CALN1: variants seen among roughly 807,000 people sequenced by gnomAD.
CALN1 encodes calcium-binding protein 8.
Under a neutral mutation model 30.6 loss-of-function variants are expected in CALN1, and 17 were observed. That is an observed-to-expected ratio of 0.56 (90% CI 0.38 to 0.83). The LOEUF (loss-of-function observed/expected upper bound fraction) is 0.83, where lower values mean the gene tolerates loss of function less well. CALN1 is among the 40% of genes least tolerant of loss of function. The pLI is 0.00. For synonymous variants in CALN1, 156 were observed against 131.4 expected, an observed-to-expected ratio of 1.19 and a Z score of -1.28; for missense variants, 291 against 354.9, an observed-to-expected ratio of 0.82 and a Z score of 1.45.
chr7:71,920,592 C>T (rs2117051341), intron 5 of CALN1, among the ~76,000 whole-genome samples: 2 of 152,238 alleles, frequency 1.3e-5, no homozygotes, highest in Middle Eastern at 6.8e-3. Context: ...GCCTCAGCCT[C>T]CCAAAGTACT....
intron 2 of CALN1, among the ~76,000 whole-genome samples, chr7:72,319,216 T>TA (rs753703276): frequency 1.3e-5 from 2 of 152,188 alleles, no homozygotes; most frequent in Non-Finnish European, 2.9e-5. Flanking sequence ...ATGCTGCTGA[T>TA]AAACACATAC....
At chr7:71,813,947 AAAG>A (rs1172401162) in intron 5 of CALN1, among the ~76,000 whole-genome samples, 1 of 151,678 alleles carries the variant, frequency 6.6e-6, no homozygotes, top group Non-Finnish European at 1.5e-5. Flanking sequence ...AAAAAAAAAA[AAAG>A]ATCTTTGGAC....
chr7:72,224,409 A>C (rs1022503375), intron 3 of CALN1, among the ~76,000 whole-genome samples: 1 of 152,168 alleles, frequency 6.6e-6, no homozygotes, highest in Admixed American at 6.6e-5. Flanking sequence ...AAAGGAAACA[A>C]GTGACTTCTT....
At chr7:72,008,612 C>G (rs1181752229) in intron 5 of CALN1, among the ~76,000 whole-genome samples, 1 of 151,224 alleles carries the variant, frequency 6.6e-6, no homozygotes, top group Non-Finnish European at 1.5e-5. Flanking sequence ...AGACAATCAT[C>G]TGGCATATCA....
At chr7:72,328,554 C>T (rs191311330) in intron 2 of CALN1, among the ~76,000 whole-genome samples, 41 of 152,344 alleles carry the variant, frequency 2.7e-4, no homozygotes, top group African/African-American at 8.7e-4. Context: ...CAGACTAATA[C>T]GATGAGCATC....
chr7:72,349,324 T>C (rs1334611097), intron 2 of CALN1, among the ~76,000 whole-genome samples: 1 of 114,490 alleles, frequency 8.7e-6, no homozygotes, highest in African/African-American at 3.6e-5. Context: ...GTGTGTGTGT[T>C]GGGAAGGTTA....
the CALN1 span, among the ~76,000 whole-genome samples, chr7:72,473,801 G>T: frequency 2.6e-5 from 4 of 151,988 alleles, no homozygotes; most frequent in Non-Finnish European, 5.9e-5. Flanking sequence ...AGGCATGGTG[G>T]CAGGCACCTG....
chr7:72,332,666 G>A (rs1289236077), intron 2 of CALN1, among the ~76,000 whole-genome samples: 1 of 152,076 alleles, frequency 6.6e-6, no homozygotes, highest in Non-Finnish European at 1.5e-5. Context: ...TTCCATGCCT[G>A]GTTCTTCAGG....
At chr7:72,084,139 GC>G (rs1805330297) in intron 4 of CALN1, among the ~76,000 whole-genome samples, 1 of 152,036 alleles carries the variant, frequency 6.6e-6, no homozygotes, top group African/African-American at 2.4e-5. Flanking sequence ...AACCTGGGAG[GC>G]AGAGGTTGCA....
chr7:72,218,084 C>T lies in CALN1; in HGVS notation c.244+60602G>A, dbSNP rs544485334. On this transcript the variant is annotated intron_variant, in intron 3 of 6. Transcript: ENST00000395275. ...GTCTTGATCTCCTGACCTCGTGATC[C>T]GCCCTCCTCGGCCTCCCAAAGTGCT... 6.3e-3 allele frequency among the ~76,000 whole-genome samples: 951 copies of T among 151,338 alleles called. 5 individuals are homozygous for T. The highest frequency in any genetic ancestry group is 0.011 in the Non-Finnish European group (723 of 67,782).
At chr7:71,896,573 A>G (rs1793543155) in intron 5 of CALN1, among the ~76,000 whole-genome samples, 1 of 152,200 alleles carries the variant, frequency 6.6e-6, no homozygotes, top group Non-Finnish European at 1.5e-5. Context: ...AAGGCCTGTG[A>G]TGCTGGATTC....
intron 3 of CALN1, among the ~76,000 whole-genome samples, chr7:72,136,945 C>T (rs1809552584): frequency 6.6e-6 from 1 of 151,998 alleles, no homozygotes; most frequent in Admixed American, 6.5e-5. Flanking sequence ...GATCACTGAT[C>T]ACGATGTAAG....
chr7:72,114,851 G>A (rs1318451233), intron 3 of CALN1, among the ~76,000 whole-genome samples: 2 of 151,994 alleles, frequency 1.3e-5, no homozygotes, highest in East Asian at 1.9e-4. Flanking sequence ...AAAATGTGCT[G>A]GGCGTAGTGG....
At position 71,784,679 on chromosome 7, in the gene CALN1, A is replaced by C; in HGVS notation, c.*3096T>G. ...CCTGCTCTTGCAGCAAGAATGAGCC[A>C]ACCTGTGTTTGTCAATCACTCAGCC... On this transcript the variant is annotated 3_prime_UTR_variant, in exon 7 of 7. Coordinates refer to ENST00000395275, the MANE Select transcript of CALN1 (RefSeq NM_031468.4). 2 of 397,452 alleles carry C rather than the reference A, an allele frequency of 5.0e-6. No individual in the cohort carries two copies. The highest frequency in any genetic ancestry group is 8.9e-6 in the Non-Finnish European group (2 of 225,738). The allele number at this position is 397,452 out of a possible 1,614,324, so 24.6% of individuals were successfully genotyped here.
chr7:71,833,406 A>G (rs1789408357), intron 5 of CALN1, among the ~76,000 whole-genome samples: 1 of 152,182 alleles, frequency 6.6e-6, no homozygotes, highest in Admixed American at 6.5e-5. Context: ...AAAACAACCA[A>G]TGCATGGAGG....
At chr7:72,484,746 T>G in the CALN1 span, among the ~76,000 whole-genome samples, 1 of 152,168 alleles carries the variant, frequency 6.6e-6, no homozygotes, top group African/African-American at 2.4e-5. Context: ...GGTTTCCCAC[T>G]CCCACAACAC....
intron 5 of CALN1, among the ~76,000 whole-genome samples, chr7:71,862,794 C>G (rs1354065112): frequency 6.6e-6 from 1 of 152,192 alleles, no homozygotes; most frequent in Admixed American, 6.5e-5. Context: ...TGGTTACTTA[C>G]TATTCCAGTG....
intron 5 of CALN1, among the ~76,000 whole-genome samples, chr7:71,829,877 T>A (rs1789155311): frequency 6.6e-6 from 1 of 152,188 alleles, no homozygotes; most frequent in Admixed American, 6.5e-5. Context: ...TCGAAGAGGA[T>A]GTGCCAGTGT....
upstream of CALN1, among the ~76,000 whole-genome samples, chr7:72,414,648 T>C (rs908185842): frequency 9.9e-5 from 15 of 152,236 alleles, no homozygotes; most frequent in Non-Finnish European, 1.9e-4. Flanking sequence ...CCATAAGCTG[T>C]ATTTCTCCCA....
Sources: gnomAD v4.1 joint callset for allele counts (sites outside exome capture counted in the v4.1 genomes callset) on GRCh38, gnomAD v4.1.1 for gene constraint, MANE v1.5 for transcripts, NCBI Gene and HGNC (gene_info 2026-07-23, HGNC 2026-07-21) for gene names.